LMNB1: variants seen among roughly 807,000 people sequenced by gnomAD.
LMNB1 encodes lamin-B1.
In LMNB1, 23 loss-of-function variants were observed where a neutral mutation model predicts 67.1. The observed-to-expected ratio is 0.34, with a 90% CI of 0.25 to 0.49. The LOEUF (loss-of-function observed/expected upper bound fraction) is 0.49. Ranked by LOEUF, LMNB1 falls within the 20% of genes least tolerant of loss-of-function variation. The pLI is 0.99. For missense variants in LMNB1, 634 were observed against 746.5 expected, an observed-to-expected ratio of 0.85 and a Z score of 1.76; for synonymous variants, 281 against 282.9, an observed-to-expected ratio of 0.99 and a Z score of 0.07.
At chr5:126,821,196 A>G (rs1243861939) in intron 7 of LMNB1, 61 bp downstream of exon 7, 10 of 1,090,734 alleles carry the variant, frequency 9.2e-6, no homozygotes, top group South Asian at 2.5e-5. Context: ...TTCTCTTGCA[A>G]TTGTCATAGC....
At chr5:126,819,334 T>C in intron 6 of LMNB1, 192 bp downstream of exon 6, 1 of 496,142 alleles carries the variant, frequency 2.0e-6, no homozygotes, top group Non-Finnish European at 3.6e-6. Flanking sequence ...GTACTCTTAG[T>C]TTATTTATTA....
chr5:126,825,727 G>A (rs934909387), intron 8 of LMNB1, among the ~76,000 whole-genome samples: 4 of 152,194 alleles, frequency 2.6e-5, no homozygotes, highest in African/African-American at 7.2e-5. Flanking sequence ...GTCAGCTGGT[G>A]TGTAAAGGAA....
chr5:126,798,904 G>C (rs1018640905), intron 1 of LMNB1, among the ~76,000 whole-genome samples: 1 of 152,086 alleles, frequency 6.6e-6, no homozygotes, highest in African/African-American at 2.4e-5. Flanking sequence ...AGGTAGCTAA[G>C]CATATCCACA....
intron 8 of LMNB1, among the ~76,000 whole-genome samples, chr5:126,825,399 AGG>A: frequency 6.6e-6 from 1 of 152,326 alleles, no homozygotes; most frequent in Middle Eastern, 3.4e-3. Flanking sequence ...CAGATACTCT[AGG>A]GTATTGTGAC....
chr5:126,808,902 G>A lies in LMNB1; in HGVS notation c.643-1278G>A, dbSNP rs1443668373. Among the ~76,000 whole-genome samples, 3 of 150,930 alleles carry A rather than the reference G, an allele frequency of 2.0e-5. No individual in the cohort carries two copies. The East Asian group carries it at 5.8e-4, about 29-fold the overall frequency. On this transcript the variant is annotated intron_variant, in intron 3 of 10. Coordinates refer to ENST00000261366, the MANE Select transcript of LMNB1 (RefSeq NM_005573.4). ...ATTATTTTTTTTTTTTTGAGACGGAGTCCAGCTCAGCTGCCCAGGCTGGAA... is the reference window on the plus strand; with the variant it reads ...ATTATTTTTTTTTTTTTGAGACGGAATCCAGCTCAGCTGCCCAGGCTGGAA...
chr5:126,776,860 C>CT (rs1302083553), upstream of LMNB1: 1 of 152,252 alleles, frequency 6.6e-6, no homozygotes, highest in Non-Finnish European at 1.5e-5. Context: ...TGGGCAGTCC[C>CT]AGGCGTCCTT....
intron 1 of LMNB1, among the ~76,000 whole-genome samples, chr5:126,796,038 T>C (rs575350018): frequency 2.0e-5 from 3 of 147,416 alleles, no homozygotes; most frequent in African/African-American, 2.5e-5. Context: ...GTTCAAGCAA[T>C]TCTCCTGCCT....
intron 1 of LMNB1, among the ~76,000 whole-genome samples, chr5:126,794,824 A>G (rs1580532173): frequency 1.3e-5 from 2 of 152,292 alleles, no homozygotes; most frequent in African/African-American, 4.8e-5. Context: ...CAGGTGAAAA[A>G]CTAAATGGCT....
chr5:126,792,543 T>C (rs1339169344), intron 1 of LMNB1, among the ~76,000 whole-genome samples: 1 of 151,274 alleles, frequency 6.6e-6, no homozygotes, highest in African/African-American at 2.4e-5. Flanking sequence ...CATCACTCAG[T>C]GCAGGGAACA....
At chr5:126,832,932 T>G (rs898289936) in intron 10 of LMNB1, 131 bp downstream of exon 10, 369 of 514,070 alleles carry the variant, frequency 7.2e-4, no homozygotes, top group East Asian at 1.6e-3. Flanking sequence ...GTGGGGTTTG[T>G]ACTCCCCAAA....
At chr5:126,796,870 C>T (rs529516842) in intron 1 of LMNB1, among the ~76,000 whole-genome samples, 2 of 151,158 alleles carry the variant, frequency 1.3e-5, no homozygotes, top group Non-Finnish European at 1.5e-5. Flanking sequence ...TCACTGCAAC[C>T]TCCACACCCC....
At chr5:126,798,061 A>G (rs1430516037) in intron 1 of LMNB1, among the ~76,000 whole-genome samples, 1 of 152,074 alleles carries the variant, frequency 6.6e-6, no homozygotes, top group Non-Finnish European at 1.5e-5. Flanking sequence ...GCTTGAACCC[A>G]GGAGGTAGAG....
intron 10 of LMNB1, among the ~76,000 whole-genome samples, chr5:126,835,928 C>T (rs1399560744): frequency 2.0e-5 from 3 of 152,142 alleles, no homozygotes; most frequent in East Asian, 1.9e-4. Context: ...CACCTGTAGT[C>T]GCAGCTGCTC....
chr5:126,829,521 C>T (rs1752078338), intron 9 of LMNB1, among the ~76,000 whole-genome samples: 1 of 151,584 alleles, frequency 6.6e-6, no homozygotes, highest in Non-Finnish European at 1.5e-5. Flanking sequence ...GAAATAAGAC[C>T]TGTATTCATA....
At chr5:126,801,899 T>C (rs946255953) in intron 1 of LMNB1, among the ~76,000 whole-genome samples, 3 of 152,236 alleles carry the variant, frequency 2.0e-5, no homozygotes, top group Admixed American at 2.0e-4. Context: ...TATTGTGTAA[T>C]ACTGCATTTA....
rs1481626761 is a variant in LMNB1, at chr5:126,832,738, A to C, written c.1656A>C (p.Glu552Asp). The change falls in exon 10 of 11, where the codon GAA becomes GAC. Residue 552 changes from glutamate to aspartate, a missense_variant. Glu to Asp is a conservative substitution (Grantham distance 45, BLOSUM62 2). Coordinates refer to ENST00000261366, the MANE Select transcript of LMNB1 (RefSeq NM_005573.4). Reference protein sequence around the residue: ...RSTVFKTTIPEEEEEEEEAAG... With the variant: ...RSTVFKTTIPDEEEEEEEAAG... ...CAGTCTTTAAAACAACCATACCTGAAGAAGAGGAGGAGGAGGAAGAAGCAG... is the reference window on the plus strand; with the variant it reads ...CAGTCTTTAAAACAACCATACCTGACGAAGAGGAGGAGGAGGAAGAAGCAG... The C allele has an allele frequency of 4.3e-6, 7 of 1,613,152 alleles. No homozygotes were observed. The South Asian group carries it at 7.7e-5, about 18-fold the overall frequency.
Position 126,811,790 on chromosome 5 carries a change from G to C in LMNB1, c.831G>C (p.Leu277=), listed in dbSNP as rs765631106. 12 of 1,605,234 alleles carry C rather than the reference G, an allele frequency of 7.5e-6. No homozygotes were observed. The highest frequency in any genetic ancestry group is 1.0e-5 in the Non-Finnish European group (12 of 1,172,940). The part of the protein sequence containing the change: ...TYHAKLENAR[L]SSEMNTSTVN... ...TCTTTTAGCTTGAGAATGCCAGACT[G>C]TCATCAGAGATGAATACTTCTACTG... Residue 277 remains leucine, a synonymous_variant, in exon 5 of 11, where the codon CTG becomes CTC. Transcript: ENST00000261366.
At position 126,819,594 on chromosome 5, in the gene LMNB1, G is replaced by A. The variant is rs1016989135; in HGVS notation, c.1160+452G>A. Among the ~76,000 whole-genome samples the A allele has an allele frequency of 4.0e-5, 6 of 151,718 alleles. No homozygotes were observed. In the South Asian group the frequency reaches 6.2e-4, roughly 16 times the overall value. ...CAACCTTCACCTCCTGGTTTCAAGC[G>A]ATTTGCCTACCTCAGCCTCCTGAGT... On this transcript the variant is annotated intron_variant, in intron 6 of 10. Transcript: ENST00000261366.
chr5:126,822,525 A>C (rs755135990), intron 7 of LMNB1, among the ~76,000 whole-genome samples: 2 of 152,234 alleles, frequency 1.3e-5, no homozygotes, highest in Non-Finnish European at 2.9e-5. Flanking sequence ...TTGACCATTT[A>C]ATTTGGTTCA....
Sources: gnomAD v4.1 joint callset for allele counts (sites outside exome capture counted in the v4.1 genomes callset) on GRCh38, gnomAD v4.1.1 for gene constraint, MANE v1.5 for transcripts, NCBI Gene and HGNC (gene_info 2026-07-23, HGNC 2026-07-21) for gene names.